NMT2: variants seen among roughly 807,000 people sequenced by gnomAD.
NMT2 encodes the protein glycylpeptide N-tetradecanoyltransferase 2.
Under a neutral mutation model 65.4 loss-of-function variants are expected in NMT2, and 35 were observed. That is an observed-to-expected ratio of 0.54 (90% CI 0.41 to 0.71). The LOEUF (loss-of-function observed/expected upper bound fraction) is 0.71. NMT2 is among the 30% of genes least tolerant of loss of function. The probability of loss-of-function intolerance (pLI) is 0.00; values close to 1 mark genes in which losing one functional copy is unlikely to be tolerated. For missense variants in NMT2, 489 were observed against 611.3 expected (o/e 0.80, Z 2.11); for synonymous variants, 226 against 231.8 (o/e 0.98, Z 0.23).
chr10:15,119,998 A>C (rs1845871893), intron 8 of NMT2, among the ~76,000 whole-genome samples: 2 of 152,200 alleles, frequency 1.3e-5, no homozygotes. Flanking sequence ...GGGTTCGACC[A>C]ACCTTAGACG....
chr10:15,144,334 A>G (rs1479099821), intron 1 of NMT2, among the ~76,000 whole-genome samples: 4 of 152,202 alleles, frequency 2.6e-5, no homozygotes, highest in Non-Finnish European at 5.9e-5. Context: ...TTCAGTGAGG[A>G]AGAGCTACTT....
intron 1 of NMT2, among the ~76,000 whole-genome samples, chr10:15,165,459 T>A (rs1833346816): frequency 6.6e-6 from 1 of 152,188 alleles, no homozygotes; most frequent in African/African-American, 2.4e-5. Context: ...ATAATAAAAT[T>A]ATACTTGTCT....
intron 1 of NMT2, among the ~76,000 whole-genome samples, chr10:15,167,649 TAA>T (rs1833419191): frequency 6.6e-6 from 1 of 152,200 alleles, no homozygotes; most frequent in African/African-American, 2.4e-5. Flanking sequence ...CCACTGCCTC[TAA>T]AAAGAGAGCA....
intron 1 of NMT2, among the ~76,000 whole-genome samples, chr10:15,156,369 T>C (rs927015978): frequency 6.6e-6 from 1 of 152,170 alleles, no homozygotes; most frequent in Non-Finnish European, 1.5e-5. Context: ...CTGCCATGAG[T>C]GTAAGTTTCC....
chr10:15,150,544 C>T (rs1832767785), intron 1 of NMT2, among the ~76,000 whole-genome samples: 2 of 152,056 alleles, frequency 1.3e-5, no homozygotes, highest in South Asian at 4.1e-4. Flanking sequence ...CTTAGTGTGC[C>T]CCTTCTCCTC....
chr10:15,159,025 T>C (rs913454095), intron 1 of NMT2, among the ~76,000 whole-genome samples: 5 of 152,212 alleles, frequency 3.3e-5, no homozygotes, highest in Non-Finnish European at 7.3e-5. Flanking sequence ...GCCAGCATTG[T>C]TCACTATGTC....
At position 15,119,532 on chromosome 10, in the gene NMT2, AAAC is replaced by A; in HGVS notation, c.1000-22_1000-20del. 3 of 1,610,152 alleles carry A rather than the reference AAAC, an allele frequency of 1.9e-6. No homozygotes were observed. The highest frequency in any genetic ancestry group is 2.5e-6 in the Non-Finnish European group (3 of 1,177,470). On this transcript the variant is annotated intron_variant, in intron 8 of 11. Coordinates refer to ENST00000378165, the MANE Select transcript of NMT2 (RefSeq NM_004808.3). ...TTGTAACCTTGTTGGAGGGGAAACA[AAAC>A]AAATCCAGAAGTTCAGGTAGAAGAG...
chr10:15,165,013 A>C (rs1833330215), intron 1 of NMT2, among the ~76,000 whole-genome samples: 1 of 152,070 alleles, frequency 6.6e-6, no homozygotes, highest in Non-Finnish European at 1.5e-5. Flanking sequence ...AAAATACAAA[A>C]TTAGCTGGGC....
chr10:15,123,121 T>A (rs1845975873), intron 8 of NMT2, among the ~76,000 whole-genome samples: 1 of 152,158 alleles, frequency 6.6e-6, no homozygotes, highest in Non-Finnish European at 1.5e-5. Context: ...ATAAGCATTT[T>A]GAACAAATTT....
intron 8 of NMT2, among the ~76,000 whole-genome samples, chr10:15,123,030 GT>G (rs1324177492): frequency 4.6e-5 from 7 of 152,052 alleles, no homozygotes; most frequent in Admixed American, 2.0e-4. Flanking sequence ...GTCTCTAAAG[GT>G]TAGAAAAATA....
chr10:15,120,651 A>G (rs1283233200), intron 8 of NMT2, among the ~76,000 whole-genome samples: 1 of 152,120 alleles, frequency 6.6e-6, no homozygotes, highest in Non-Finnish European at 1.5e-5. Context: ...ACAACTGAGC[A>G]ACTTGTTTTA....
At chr10:15,121,755 T>C (rs768286373) in intron 8 of NMT2, among the ~76,000 whole-genome samples, 3 of 152,194 alleles carry the variant, frequency 2.0e-5, no homozygotes, top group Non-Finnish European at 4.4e-5. Context: ...ACAGTGCTGA[T>C]TGATTATCGA....
intron 1 of NMT2, among the ~76,000 whole-genome samples, chr10:15,157,356 C>T (rs1833037948): frequency 6.6e-6 from 1 of 152,154 alleles, no homozygotes. Context: ...AGCCACCATC[C>T]AGGGCAGACT....
chr10:15,154,713 T>A, intron 1 of NMT2: 1 of 528,760 alleles, frequency 1.9e-6, no homozygotes, highest in East Asian at 4.0e-5. Flanking sequence ...GATTCTAGGA[T>A]ACTGCGAGCA....
intron 1 of NMT2, among the ~76,000 whole-genome samples, chr10:15,160,125 C>T (rs1304748845): frequency 6.6e-6 from 1 of 152,154 alleles, no homozygotes; most frequent in African/African-American, 2.4e-5. Flanking sequence ...GTAACAAATT[C>T]CTCTTGGTGA....
chr10:15,133,249 T>C lies in NMT2; in HGVS notation c.506A>G (p.Glu169Gly). The change falls in exon 4 of 12, where the codon GAA (glutamate) becomes GGA (glycine). Residue 169 changes from glutamate to glycine, a missense_variant. Glu to Gly is a moderately conservative substitution (Grantham distance 98). Coordinates refer to ENST00000378165, the MANE Select transcript of NMT2 (RefSeq NM_004808.3). ...MWDTLDLSDA[E>G]VLKELYTLLN... is the part of the protein sequence containing the mutation. ...AAGAGGTTTTTACTCACTCACCACT[T>C]CGGCATCACTCAAGTCTAAAGTGTC... is the stretch of plus-strand genomic sequence containing the variant. 6.2e-7 allele frequency: 1 copy of C among 1,613,362 alleles called. No individual in the cohort carries two copies. The highest frequency in any genetic ancestry group is 1.1e-5 in the South Asian group (1 of 91,070).
intron 1 of NMT2, among the ~76,000 whole-genome samples, chr10:15,158,441 T>C (rs1451481075): frequency 6.6e-6 from 1 of 152,020 alleles, no homozygotes; most frequent in African/African-American, 2.4e-5. Context: ...GTCCTCTCAA[T>C]GAGAAGTAGA....
chr10:15,114,529 C>T (rs142913343), intron 9 of NMT2, among the ~76,000 whole-genome samples: 75 of 152,264 alleles, frequency 4.9e-4, no homozygotes, highest in African/African-American at 1.5e-3. Flanking sequence ...TTATAAGCAA[C>T]TTCTAACAAC....
Position 15,128,352 on chromosome 10 carries a change from C to T in NMT2, c.997G>A (p.Asp333Asn), listed in dbSNP as rs1293321972. 8.5e-6 allele frequency: 13 copies of T among 1,530,852 alleles called. No individual in the cohort carries two copies. Among genetic ancestry groups the T allele is most frequent in the Non-Finnish European group, 1.2e-5 (13 of 1,105,976 alleles). 94.8% of individuals were successfully genotyped at this position (1,530,852 alleles called of 1,614,324 possible). Reference protein sequence around the residue: ...QRTMKLYRLPDVTKTSGLRPM... With the variant: ...QRTMKLYRLPNVTKTSGLRPM... ...AACTGCAAATCATTCTTACTTACAT[C>T]TGGAAGTCTGTATAGCTTCATTGTT... The change falls in exon 8 of 12, where the codon GAT becomes AAT. Residue 333 changes from aspartate to asparagine, a missense_variant and splice_region_variant. Physicochemically the swap from Asp to Asn is conservative, Grantham distance 23. Transcript: ENST00000378165.
Sources: allele counts gnomAD v4.1 joint callset (sites outside exome capture counted in the v4.1 genomes callset), GRCh38; gene constraint gnomAD v4.1.1; transcripts MANE v1.5; gene names NCBI Gene and HGNC (gene_info 2026-07-23, HGNC 2026-07-21).